Variants in DNAL4 observed in about 807,000 individuals in gnomAD.
DNAL4 encodes dynein light chain, outer arm 4.
In DNAL4, 10 loss-of-function variants were observed where a neutral mutation model predicts 12.6. The ratio of observed to expected loss-of-function variants is 0.79; its 90% CI spans 0.49 to 1.34. The LOEUF (loss-of-function observed/expected upper bound fraction) is 1.34. DNAL4 is among the 40% of genes most tolerant of loss of function. The pLI, the probability that DNAL4 is intolerant of heterozygous loss-of-function variation, is 0.00. For synonymous variants in DNAL4, 46 were observed against 53.1 expected (o/e 0.87, Z 0.58); for missense variants, 128 against 138.1 (o/e 0.93, Z 0.37).
chr22:38,784,253 G>A (rs925929314), intron 1 of DNAL4, among the ~76,000 whole-genome samples: 1 of 152,172 alleles, frequency 6.6e-6, no homozygotes, highest in Non-Finnish European at 1.5e-5. Flanking sequence ...CGGGAGTTCG[G>A]TTCTGTAGGG....
chr22:38,792,285 T>TA (rs1301458497), intron 1 of DNAL4, among the ~76,000 whole-genome samples: 1 of 76,638 alleles, frequency 1.3e-5, no homozygotes, highest in Admixed American at 1.8e-4. Context: ...ATTTCTTTTT[T>TA]ACTTTTTTTT....
chr22:38,780,428 C>G (rs1395679230), intron 3 of DNAL4, among the ~76,000 whole-genome samples: 2 of 152,238 alleles, frequency 1.3e-5, no homozygotes, highest in African/African-American at 4.8e-5. Context: ...CCTGGGCTCC[C>G]ACTGGCCAGT....
intron 1 of DNAL4, among the ~76,000 whole-genome samples, chr22:38,784,981 C>A (rs920078336): frequency 7.3e-5 from 11 of 150,492 alleles, no homozygotes; most frequent in African/African-American, 2.2e-4. Context: ...ACAGACCCCC[C>A]CCCCCATCCA....
At position 38,789,306 on chromosome 22, in the gene DNAL4, C is replaced by T. The variant is rs943483742; in HGVS notation, c.-140+4762G>A. Among the ~76,000 whole-genome samples the T allele has an allele frequency of 7.9e-5, 12 of 152,166 alleles. 1 individual carries two copies. Among genetic ancestry groups the T allele is most frequent in the Admixed American group, 7.2e-4 (11 of 15,272 alleles). On this transcript the variant is annotated intron_variant, in intron 1 of 3. Transcript: ENST00000216068. ...TTCGAGACAGGGTCTCACTCTGTTG[C>T]CCAGGCTGGAGTGCGGTGGCATGAT...
chr22:38,781,049 A>G (rs1180032478), intron 2 of DNAL4, 40 bp from the exon 3 acceptor site: 2 of 1,611,420 alleles, frequency 1.2e-6, no homozygotes, highest in Admixed American at 3.3e-5. Context: ...AGACAGGCTT[A>G]GCCCGTGACC....
At chr22:38,789,905 G>A (rs976592146) in intron 1 of DNAL4, among the ~76,000 whole-genome samples, 2 of 152,210 alleles carry the variant, frequency 1.3e-5, no homozygotes, top group Non-Finnish European at 2.9e-5. Flanking sequence ...CATCTTCTGG[G>A]AAAGTCTAAC....
chr22:38,787,771 G>A lies in DNAL4; in HGVS notation c.-139-4901C>T, dbSNP rs557369187. On this transcript the variant is annotated intron_variant, in intron 1 of 3. Transcript: ENST00000216068. ...CTGTGAAACCTCTTGGGGCTGAGGT[G>A]GTAGTGGTGTGGCTATGGTGTGCCT... 3.2e-4 allele frequency among the ~76,000 whole-genome samples: 49 copies of A among 152,290 alleles called. 1 individual carries two copies. Among genetic ancestry groups the A allele is most frequent in the African/African-American group, 1.0e-3 (43 of 41,564 alleles).
intron 1 of DNAL4, among the ~76,000 whole-genome samples, chr22:38,793,267 A>G (rs2146172268): frequency 6.6e-6 from 1 of 152,358 alleles, no homozygotes; most frequent in African/African-American, 2.4e-5. Flanking sequence ...GACCGGGTTG[A>G]TAACATTTCC....
chr22:38,780,060 C>T (rs7290009), intron 3 of DNAL4, among the ~76,000 whole-genome samples: 5,408 of 152,278 alleles, frequency 0.036, 157 homozygotes, highest in Non-Finnish European at 0.048. Context: ...GGGGAGGCGC[C>T]GACTACTCCC....
At chr22:38,786,792 G>C (rs1193868651) in intron 1 of DNAL4, among the ~76,000 whole-genome samples, 1 of 152,090 alleles carries the variant, frequency 6.6e-6, no homozygotes, top group African/African-American at 2.4e-5. Context: ...AGCAACAGTG[G>C]GCACAGACAA....
At chr22:38,780,650 C>A (rs893845650) in intron 3 of DNAL4, 4 of 451,862 alleles carry the variant, frequency 8.9e-6, no homozygotes, top group African/African-American at 6.0e-5. Context: ...GGGAAAGGCA[C>A]CCTATTCAGC....
At chr22:38,787,548 G>A (rs2146168543) in intron 1 of DNAL4, among the ~76,000 whole-genome samples, 1 of 152,266 alleles carries the variant, frequency 6.6e-6, no homozygotes, top group Middle Eastern at 3.4e-3. Context: ...GGCAGCCTCA[G>A]TTTTCTCATC....
At chr22:38,789,018 C>G (rs1279312018) in intron 1 of DNAL4, among the ~76,000 whole-genome samples, 2 of 152,096 alleles carry the variant, frequency 1.3e-5, no homozygotes, top group East Asian at 3.9e-4. Flanking sequence ...ATTTCATTTG[C>G]CCCATGGGAG....
At chr22:38,787,210 TCA>T (rs1271734521) in intron 1 of DNAL4, among the ~76,000 whole-genome samples, 1 of 151,836 alleles carries the variant, frequency 6.6e-6, no homozygotes. Flanking sequence ...TCCCTAAGCC[TCA>T]GTTTTCTTTT....
chr22:38,791,952 G>A (rs547879130), intron 1 of DNAL4, among the ~76,000 whole-genome samples: 4 of 151,402 alleles, frequency 2.6e-5, no homozygotes, highest in South Asian at 4.2e-4. Flanking sequence ...TGATCCCTCT[G>A]CCTTGGCCTC....
Position 38,786,273 on chromosome 22 carries a change from T to C in DNAL4, c.-139-3403A>G, listed in dbSNP as rs1374331730. Among the ~76,000 whole-genome samples the C allele has an allele frequency of 1.2e-4, 18 of 152,188 alleles. 1 individual carries two copies. The highest frequency in any genetic ancestry group is 2.5e-4 in the Non-Finnish European group (17 of 68,030). On this transcript the variant is annotated intron_variant, in intron 1 of 3. Transcript: ENST00000216068. ...CTAAAAGAGCCTTTTAATAATATAA[T>C]TGTGGCTGGGTGCAGTGGCTCACGC...
chr22:38,784,667 C>A (rs957435376), intron 1 of DNAL4, among the ~76,000 whole-genome samples: 2 of 152,110 alleles, frequency 1.3e-5, no homozygotes, highest in Non-Finnish European at 2.9e-5. Flanking sequence ...CCCACCACCA[C>A]GCCCGGCTAA....
intron 1 of DNAL4, among the ~76,000 whole-genome samples, chr22:38,784,146 C>T (rs936217435): frequency 2.6e-5 from 4 of 152,160 alleles, no homozygotes; most frequent in Admixed American, 6.5e-5. Flanking sequence ...GTGCCGAGCA[C>T]GGTAACTAAC....
chr22:38,786,875 G>T (rs1164267027), intron 1 of DNAL4, among the ~76,000 whole-genome samples: 3 of 152,192 alleles, frequency 2.0e-5, no homozygotes, highest in African/African-American at 7.2e-5. Context: ...TTGTGGCACT[G>T]ACCTCAGTCA....
Sources: gnomAD v4.1 joint callset for allele counts (sites outside exome capture counted in the v4.1 genomes callset) on GRCh38, gnomAD v4.1.1 for gene constraint, MANE v1.5 for transcripts, NCBI Gene and HGNC (gene_info 2026-07-23, HGNC 2026-07-21) for gene names.